Variants in HEATR3 observed in about 807,000 individuals in gnomAD.
HEATR3 encodes HEAT repeat containing 3.
Under a neutral mutation model 72.8 loss-of-function variants are expected in HEATR3, and 56 were observed. The observed-to-expected ratio is 0.77, with a 90% CI of 0.62 to 0.96. The LOEUF is 0.96. Ranked by LOEUF, HEATR3 falls within the 40% of genes least tolerant of loss-of-function variation. HEATR3 has a pLI of 0.00. For missense variants in HEATR3, 747 were observed against 831.4 expected (o/e 0.90, Z 1.25); for synonymous variants, 331 against 318.1 (o/e 1.04, Z -0.43).
intron 2 of HEATR3, 41 bp from the exon 3 acceptor site, chr16:50,068,739 T>G: frequency 7.1e-7 from 1 of 1,412,138 alleles, no homozygotes; most frequent in Non-Finnish European, 1.0e-6. Context: ...TTCTGTGACA[T>G]GTGATGTGAA....
chr16:50,078,144 T>G (rs1168063098), intron 6 of HEATR3, among the ~76,000 whole-genome samples: 1 of 152,138 alleles, frequency 6.6e-6, no homozygotes, highest in East Asian at 1.9e-4. Context: ...CCCAAAGTGT[T>G]GGGATTACAG....
At position 50,100,355 on chromosome 16, in the gene HEATR3, T is replaced by TG; in HGVS notation, c.1725_1726insG (p.Thr576AspfsTer3). 6.2e-7 allele frequency: 1 copy of TG among 1,614,050 alleles called. No homozygotes were observed. The highest frequency in any genetic ancestry group is 8.5e-7 in the Non-Finnish European group (1 of 1,179,972). On this transcript the variant is annotated frameshift_variant, in exon 13 of 15. Transcript: ENST00000299192. LOFTEE classifies it high-confidence loss of function. ...GCAGCGTCCTTGCCAAAGAAGATGGTACACTTGAAACTCTTAAGGTAAAAC... is the reference window on the plus strand; with the variant it reads ...GCAGCGTCCTTGCCAAAGAAGATGGTGACACTTGAAACTCTTAAGGTAAAAC...
intron 6 of HEATR3, among the ~76,000 whole-genome samples, chr16:50,076,997 A>G (rs940196881): frequency 1.3e-5 from 2 of 150,808 alleles, no homozygotes; most frequent in Non-Finnish European, 2.9e-5. Flanking sequence ...CCTCCCGAGT[A>G]GCTGGGACTA....
At position 50,078,738 on chromosome 16, in the gene HEATR3, C is replaced by A. The variant is rs1280402253; in HGVS notation, c.764-3C>A. On this transcript the variant is annotated splice_polypyrimidine_tract_variant and splice_region_variant and intron_variant, in intron 6 of 14. Transcript: ENST00000299192. ...CTTATCCTTATGCTTGTTTTTTTCC[C>A]AGGCACAATTTGGAATCTAAAGGAC... The A allele has an allele frequency of 1.9e-6, 3 of 1,598,138 alleles. No individual in the cohort carries two copies. The highest frequency in any genetic ancestry group is 2.6e-6 in the Non-Finnish European group (3 of 1,173,440).
chr16:50,066,182 G>A lies in HEATR3; in HGVS notation c.51G>A (p.Thr17=), dbSNP rs751476885. 6.3e-6 allele frequency: 10 copies of A among 1,593,886 alleles called. No homozygotes were observed. The highest frequency in any genetic ancestry group is 1.7e-4 in the Middle Eastern group (1 of 6,016). Residue 17 remains threonine, a synonymous_variant, in exon 1 of 15, where the codon ACG becomes ACA. Transcript: ENST00000299192. The stretch of plus-strand genomic sequence containing the variant: ...TCAAGCGACCTCAGTTCTCCCCTAC[G>A]GGCGACTGTCAGGCCGAGGCGGCTG... The part of the protein sequence containing the change: ...KRFKRPQFSP[T]GDCQAEAAAA...
At position 50,078,992 on chromosome 16, in the gene HEATR3, A is replaced by G. The variant is rs1449561413; in HGVS notation, c.1015A>G (p.Lys339Glu). 7 of 1,612,676 alleles carry G rather than the reference A, an allele frequency of 4.3e-6. No individual in the cohort carries two copies. Among genetic ancestry groups the G allele is most frequent in the Non-Finnish European group, 5.9e-6 (7 of 1,179,312 alleles). Reference sequence around the variant, plus strand: ...TTCTCATAAAAGAAGAGTCAGAAGGAAAACTTTCGTTTCAGATTTACTTCC... The same window carrying G: ...TTCTCATAAAAGAAGAGTCAGAAGGGAAACTTTCGTTTCAGATTTACTTCC... ...GISHKRRVRRKTFVSDLLPPT... is the reference protein window; with the variant it reads ...GISHKRRVRRETFVSDLLPPT... The change falls in exon 7 of 15, where the codon AAA becomes GAA. Residue 339 changes from lysine to glutamate, a missense_variant. Lys to Glu is a moderately conservative substitution (Grantham distance 56). Coordinates refer to ENST00000299192, the MANE Select transcript of HEATR3 (RefSeq NM_182922.4).
intron 14 of HEATR3, among the ~76,000 whole-genome samples, chr16:50,104,278 G>A (rs72798033): frequency 0.12 from 18,158 of 152,096 alleles, 1,120 homozygotes; most frequent in African/African-American, 0.15. Context: ...ACTTGCGTCC[G>A]GGAGGTCGAG....
rs533008674 is a variant in HEATR3, at chr16:50,070,431, G to C, written c.512+141G>C. ...AGACATGGTAGGGGCCGGACATGGT[G>C]GCTCATGCCTGTAATCCCAGCACTT... On this transcript the variant is annotated intron_variant, in intron 4 of 14. Coordinates refer to ENST00000299192, the MANE Select transcript of HEATR3 (RefSeq NM_182922.4). The C allele has an allele frequency of 8.2e-5, 31 of 380,038 alleles. No homozygotes were observed. The South Asian group carries it at 8.6e-4, about 11-fold the overall frequency. The allele number at this position is 380,038 out of a possible 1,614,324, so 23.5% of individuals were successfully genotyped here. A position where few individuals can be genotyped will look rare whatever the true frequency, so the allele number is the denominator to read the frequency against.
chr16:50,068,225 C>A (rs190430221), intron 2 of HEATR3, among the ~76,000 whole-genome samples: 1 of 152,322 alleles, frequency 6.6e-6, no homozygotes, highest in African/African-American at 2.4e-5. Context: ...TCATGTCTTT[C>A]CAATTAAAAT....
chr16:50,078,782 CA>C lies in HEATR3; in HGVS notation c.807del (p.Ala270GlnfsTer4). On this transcript the variant is annotated frameshift_variant, in exon 7 of 15. Coordinates refer to ENST00000299192, the MANE Select transcript of HEATR3 (RefSeq NM_182922.4). LOFTEE classifies it high-confidence loss of function. ...NLKDIIPCKS[Q>X]AEIINALLKI... is the part of the protein sequence containing the mutation. ...AAAGGACATTATTCCATGCAAGAGTCAAGCAGAAATCATAAATGCCTTACTA... is the reference window on the plus strand; with the variant it reads ...AAAGGACATTATTCCATGCAAGAGTCAGCAGAAATCATAAATGCCTTACTA... 1 of 1,613,890 alleles carries C rather than the reference CA, an allele frequency of 6.2e-7. No individual in the cohort carries two copies. The highest frequency in any genetic ancestry group is 8.5e-7 in the Non-Finnish European group (1 of 1,179,958).
intron 12 of HEATR3, among the ~76,000 whole-genome samples, chr16:50,096,324 CAAAA>C (rs59995532): frequency 3.5e-5 from 3 of 86,818 alleles, no homozygotes; most frequent in Admixed American, 1.4e-4. Flanking sequence ...GACTCCGTCT[CAAAA>C]AAAAAAAAAA....
At chr16:50,104,085 C>T (rs543808117) in intron 14 of HEATR3, among the ~76,000 whole-genome samples, 2 of 152,190 alleles carry the variant, frequency 1.3e-5, no homozygotes, top group African/African-American at 2.4e-5. Context: ...CATGGTGGCT[C>T]ACACCAGTAA....
At position 50,084,633 on chromosome 16, in the gene HEATR3, G is replaced by A. The variant is rs748158815; in HGVS notation, c.1355G>A (p.Trp452Ter). 1 of 1,607,932 alleles carries A rather than the reference G, an allele frequency of 6.2e-7. No individual in the cohort carries two copies. Among genetic ancestry groups the A allele is most frequent in the East Asian group, 2.2e-5 (1 of 44,818 alleles). Residue 452 changes from tryptophan to a stop codon, truncating the protein, a stop_gained, in exon 10 of 15, where the codon TGG (tryptophan) becomes TAG (stop). Coordinates refer to ENST00000299192, the MANE Select transcript of HEATR3 (RefSeq NM_182922.4). LOFTEE classifies it high-confidence loss of function. ...AVDLCSRNPT[W>*]KPLIRKMNTI... The stretch of plus-strand genomic sequence containing the variant: ...GACCTATGTTCTAGGAACCCTACTT[G>A]GAAACCTTTGATTAGAAAGTAAGAA...
At chr16:50,067,912 A>G (rs918394023) in intron 2 of HEATR3, among the ~76,000 whole-genome samples, 2 of 152,344 alleles carry the variant, frequency 1.3e-5, no homozygotes, top group African/African-American at 2.4e-5. Context: ...AAACAGTTAC[A>G]TAAGTGTATG....
intron 12 of HEATR3, among the ~76,000 whole-genome samples, chr16:50,095,762 T>C (rs2037221496): frequency 6.6e-6 from 1 of 152,144 alleles, no homozygotes; most frequent in African/African-American, 2.4e-5. Flanking sequence ...CCTGTCATTC[T>C]TGTGACATGG....
rs1017383407 is a variant in HEATR3 at position 50,106,072 on chromosome 16, A to G, written c.*1011A>G. The stretch of plus-strand genomic sequence containing the variant: ...TTCCTTGAATTTTGCAAAGAAAGAA[A>G]ATCCAAAGCATTGCTTGGATGTTCT... On this transcript the variant is annotated 3_prime_UTR_variant, in exon 15 of 15. Transcript: ENST00000299192. 6.6e-6 allele frequency: 1 copy of G among 152,230 alleles called. No individual in the cohort carries two copies. The highest frequency in any genetic ancestry group is 2.4e-5 in the African/African-American group (1 of 41,452). The allele number at this position is 152,230 out of a possible 1,614,324, so 9.4% of individuals were successfully genotyped here. A position where few individuals can be genotyped will look rare whatever the true frequency, so the allele number is the denominator to read the frequency against.
chr16:50,089,555 A>G (rs2150615821), intron 11 of HEATR3, among the ~76,000 whole-genome samples: 1 of 152,336 alleles, frequency 6.6e-6, no homozygotes, highest in Non-Finnish European at 1.5e-5. Flanking sequence ...AGAAATGGAG[A>G]ATCAAAATGA....
At chr16:50,100,188 T>A in intron 12 of HEATR3, 42 bp from the exon 13 acceptor site, 1 of 1,577,466 alleles carries the variant, frequency 6.3e-7, no homozygotes, top group Non-Finnish European at 8.6e-7. Flanking sequence ...TAGAATTAAT[T>A]GAGTTTAACA....
In HEATR3 at chr16:50,086,297, G is replaced by A. The variant is rs765997285; in HGVS notation, c.1456G>A (p.Ala486Thr). 1.3e-5 allele frequency: 20 copies of A among 1,590,590 alleles called. No homozygotes were observed. The highest frequency in any genetic ancestry group is 5.3e-5 in the Admixed American group (3 of 56,678). The change falls in exon 11 of 15, where the codon GCA becomes ACA. Residue 486 changes from alanine to threonine, a missense_variant. Physicochemically the swap from Ala to Thr is moderately conservative, Grantham distance 58 (BLOSUM62 0). Coordinates refer to ENST00000299192, the MANE Select transcript of HEATR3 (RefSeq NM_182922.4). ...GGATGTGGAGCACCTGGGAGGAGCC[G>A]CAGCCCTTCAGACGCTTGCACAGCA... The part of the protein sequence containing the change: ...LLDVEHLGGA[A>T]ALQTLAQHLS...
Sources: gnomAD v4.1 joint callset for allele counts (sites outside exome capture counted in the v4.1 genomes callset) on GRCh38, gnomAD v4.1.1 for gene constraint, MANE v1.5 for transcripts, NCBI Gene and HGNC (gene_info 2026-07-23, HGNC 2026-07-21) for gene names.